Variants in TTYH1 observed in about 807,000 individuals in gnomAD.
The protein encoded by TTYH1 is protein tweety homolog 1.
Under a neutral mutation model 61.2 loss-of-function variants are expected in TTYH1, and 33 were observed. That is an observed-to-expected ratio of 0.54 (90% CI 0.41 to 0.72). The LOEUF is 0.72. TTYH1 is among the 30% of genes least tolerant of loss of function. The pLI is 0.00. For synonymous variants in TTYH1, 308 were observed against 266.4 expected (o/e 1.16, Z -1.52); for missense variants, 538 against 575.8 (o/e 0.93, Z 0.67).
Position 54,421,316 on chromosome 19 carries a change from C to T in TTYH1, c.345C>T (p.Thr115=), listed in dbSNP as rs763312803. The T allele has an allele frequency of 6.2e-7, 1 of 1,613,674 alleles. No individual in the cohort carries two copies. The highest frequency in any genetic ancestry group is 1.1e-5 in the South Asian group (1 of 91,084). ...IGIGFYGNSE[T]SDGVSQLSSA... ...TCGGTTTCTATGGCAACAGTGAGAC[C>T]AGTGATGGGGTGTCCCAGCTCAGCT... Residue 115 remains threonine, a synonymous_variant, in exon 3 of 14, where the codon ACC becomes ACT. Transcript: ENST00000376530. The surrounding 1 kb of genome is among the most constrained non-coding windows in gnomAD (Gnocchi z 4.8).
At position 54,421,929 on chromosome 19, in the gene TTYH1, C is replaced by T. The variant is rs1422688592; in HGVS notation, c.418-261C>T. Among the ~76,000 whole-genome samples the T allele has an allele frequency of 6.6e-6, 1 of 152,160 alleles. No individual in the cohort carries two copies. The highest frequency in any genetic ancestry group is 2.4e-5 in the African/African-American group (1 of 41,424). On this transcript the variant is annotated intron_variant, in intron 3 of 13. Coordinates refer to ENST00000376530, the MANE Select transcript of TTYH1 (RefSeq NM_020659.4). The surrounding 1 kb of genome is among the most constrained non-coding windows in gnomAD (Gnocchi z 4.8). The stretch of plus-strand genomic sequence containing the variant: ...TCAGACCTAAAGCTCCACACTTAAT[C>T]TCAGTCCTGGGGCTGGACTTACTAC...
Position 54,436,394 on chromosome 19 carries a change from A to G in TTYH1, c.*104A>G. The G allele has an allele frequency of 6.2e-7, 1 of 1,613,364 alleles. No homozygotes were observed. The highest frequency in any genetic ancestry group is 2.2e-5 in the East Asian group (1 of 44,848). ...CAGCCTGCCTGGGCTCTGACCACTA[A>G]CACTCTTGGCCATGGACAGCCTGCA... On this transcript the variant is annotated 3_prime_UTR_variant, in exon 14 of 14. Coordinates refer to ENST00000376530, the MANE Select transcript of TTYH1 (RefSeq NM_020659.4). The surrounding 1 kb of genome is among the most constrained non-coding windows in gnomAD (Gnocchi z 4.3).
In TTYH1 at chr19:54,436,386, G is replaced by T. The variant is rs1384083999; in HGVS notation, c.*96G>T. 6.2e-7 allele frequency: 1 copy of T among 1,614,028 alleles called. No homozygotes were observed. The highest frequency in any genetic ancestry group is 1.1e-5 in the South Asian group (1 of 91,086). On this transcript the variant is annotated 3_prime_UTR_variant, in exon 14 of 14. Transcript: ENST00000376530. The surrounding 1 kb of genome is among the most constrained non-coding windows in gnomAD (Gnocchi z 4.3). ...CACTAACCCAGCCTGCCTGGGCTCT[G>T]ACCACTAACACTCTTGGCCATGGAC...
Position 54,429,503 on chromosome 19 carries a change from G to A in TTYH1, c.807+124G>A. The A allele has an allele frequency of 2.3e-6, 2 of 888,678 alleles. No homozygotes were observed. The highest frequency in any genetic ancestry group is 2.9e-5 in the South Asian group (2 of 69,118). The allele number at this position is 888,678 out of a possible 1,614,324, so 55.0% of individuals were successfully genotyped here. ...TTGGGGGGCACGATCACAGCTCTGAGGTTTAGGGCTTGTTTCCTGGGGCCT... is the reference window on the plus strand; with the variant it reads ...TTGGGGGGCACGATCACAGCTCTGAAGTTTAGGGCTTGTTTCCTGGGGCCT... On this transcript the variant is annotated intron_variant, in intron 6 of 13. Coordinates refer to ENST00000376530, the MANE Select transcript of TTYH1 (RefSeq NM_020659.4). This position sits in a 1 kb window ranked among gnomAD's most constrained non-coding sequence, Gnocchi z 5.1.
Position 54,420,393 on chromosome 19 carries a change from G to A in TTYH1, c.306-884G>A, listed in dbSNP as rs917530048. Reference sequence around the variant, plus strand: ...CCAGTGGGGGAGAGACACGGCCCCAGCCCCCGCAGCCTGGGAACAAGAGGA... The same window carrying A: ...CCAGTGGGGGAGAGACACGGCCCCAACCCCCGCAGCCTGGGAACAAGAGGA... On this transcript the variant is annotated intron_variant, in intron 2 of 13. Transcript: ENST00000376530. The surrounding 1 kb of genome is among the most constrained non-coding windows in gnomAD (Gnocchi z 4.8). Among the ~76,000 whole-genome samples, 13 of 152,278 alleles carry A rather than the reference G, an allele frequency of 8.5e-5. No homozygotes were observed. The highest frequency in any genetic ancestry group is 2.6e-4 in the African/African-American group (11 of 41,568).
chr19:54,416,832 C>A lies in TTYH1; in HGVS notation c.126+1154C>A. The A allele has an allele frequency of 7.7e-7, 1 of 1,293,610 alleles. No individual in the cohort carries two copies. Among genetic ancestry groups the A allele is most frequent in the Non-Finnish European group, 1.0e-6 (1 of 988,712 alleles). The allele number at this position is 1,293,610 out of a possible 1,614,324, so 80.1% of individuals were successfully genotyped here. A position where few individuals can be genotyped will look rare whatever the true frequency, so the allele number is the denominator to read the frequency against. ...GCCACCTCCAACAACGCCGCTCCAC[C>A]GGCTCCGGCCTCGGCCCAGACTCAC... On this transcript the variant is annotated intron_variant, in intron 1 of 13. Transcript: ENST00000376530. The surrounding 1 kb of genome is among the most constrained non-coding windows in gnomAD (Gnocchi z 7.0).
Position 54,429,299 on chromosome 19 carries a change from C to G in TTYH1, c.735-8C>G, listed in dbSNP as rs376196081. ...AACCCCGGGCTGATCCTCCCTCCCC[C>G]ACTCTAGGATGACAGTCATGAGTCT... On this transcript the variant is annotated splice_polypyrimidine_tract_variant and splice_region_variant and intron_variant, in intron 5 of 13. Coordinates refer to ENST00000376530, the MANE Select transcript of TTYH1 (RefSeq NM_020659.4). The surrounding 1 kb of genome is among the most constrained non-coding windows in gnomAD (Gnocchi z 5.1). The G allele has an allele frequency of 6.8e-6, 11 of 1,613,926 alleles. No homozygotes were observed. Among genetic ancestry groups the G allele is most frequent in the Non-Finnish European group, 5.9e-6 (7 of 1,179,830 alleles).
At chr19:54,431,019 G>A (rs942591729) in intron 9 of TTYH1, 80 bp from the exon 10 acceptor site, 2 of 1,481,382 alleles carry the variant, frequency 1.4e-6, no homozygotes, top group African/African-American at 3.1e-5. Context: ...CTTGGGTTGT[G>A]GGCGGGGACG....
intron 5 of TTYH1, 47 bp downstream of exon 5, chr19:54,426,815 T>C: frequency 4.5e-6 from 7 of 1,540,204 alleles, no homozygotes; most frequent in Non-Finnish European, 6.3e-6. Flanking sequence ...GGCACTCTCC[T>C]GGCAGGCAGG....
rs1338304183 is a variant in TTYH1 at position 54,416,813 on chromosome 19, TC to T, written c.126+1137del. The stretch of plus-strand genomic sequence containing the variant: ...GCCTCGCGGTTACACAACGGCCACC[TC>T]CAACAACGCCGCTCCACCGGCTCCG... On this transcript the variant is annotated intron_variant, in intron 1 of 13. Transcript: ENST00000376530. This position sits in a 1 kb window ranked among gnomAD's most constrained non-coding sequence, Gnocchi z 7.0. 3 of 1,293,746 alleles carry T rather than the reference TC, an allele frequency of 2.3e-6. No individual in the cohort carries two copies. In the East Asian group the frequency reaches 1.7e-4, roughly 72 times the overall value. 80.1% of individuals were successfully genotyped at this position (1,293,746 alleles called of 1,614,324 possible).
rs2083086208 is a variant in TTYH1 at position 54,416,754 on chromosome 19, C to T, written c.126+1076C>T. ...CGCCTGCTCCTCGCCGCCCCCTCTCCCCACACACGGGGACCGCCGTCCCCT... is the reference window on the plus strand; with the variant it reads ...CGCCTGCTCCTCGCCGCCCCCTCTCTCCACACACGGGGACCGCCGTCCCCT... On this transcript the variant is annotated intron_variant, in intron 1 of 13. Coordinates refer to ENST00000376530, the MANE Select transcript of TTYH1 (RefSeq NM_020659.4). The surrounding 1 kb of genome is among the most constrained non-coding windows in gnomAD (Gnocchi z 7.0). The T allele has an allele frequency of 7.7e-7, 1 of 1,292,136 alleles. No homozygotes were observed. The highest frequency in any genetic ancestry group is 1.0e-6 in the Non-Finnish European group (1 of 988,516). The allele number at this position is 1,292,136 out of a possible 1,614,324, so 80.0% of individuals were successfully genotyped here.
chr19:54,423,521 G>A (rs2083261642), intron 4 of TTYH1, among the ~76,000 whole-genome samples: 1 of 152,170 alleles, frequency 6.6e-6, no homozygotes, highest in East Asian at 1.9e-4. Context: ...CTACAGATCA[G>A]GAACCTGAGC....
chr19:54,435,958 G>C (rs184196614), intron 12 of TTYH1, 85 bp downstream of exon 12: 6 of 1,584,894 alleles, frequency 3.8e-6, no homozygotes, highest in Non-Finnish European at 5.2e-6. Flanking sequence ...GGGCCTGGCC[G>C]CCTGGGTCTG....
intron 5 of TTYH1, 69 bp downstream of exon 5, chr19:54,426,837 A>G: frequency 7.2e-7 from 1 of 1,395,622 alleles, no homozygotes. Flanking sequence ...CCTCAGTCTT[A>G]CAACTCTCCT....
rs925614685 is a variant in TTYH1 at position 54,426,912 on chromosome 19, G to A, written c.734+144G>A. The A allele has an allele frequency of 2.0e-5, 14 of 684,668 alleles. No homozygotes were observed. In the Admixed American group the frequency reaches 3.7e-4, roughly 18 times the overall value. The allele number at this position is 684,668 out of a possible 1,614,324, so 42.4% of individuals were successfully genotyped here. A position where few individuals can be genotyped will look rare whatever the true frequency, so the allele number is the denominator to read the frequency against. Reference sequence around the variant, plus strand: ...AAGAAAAGAGAGTCAGAGCAGCCCAGGAGGGAGGCGGGGACAGACCTGAAA... The same window carrying A: ...AAGAAAAGAGAGTCAGAGCAGCCCAAGAGGGAGGCGGGGACAGACCTGAAA... On this transcript the variant is annotated intron_variant, in intron 5 of 13. Coordinates refer to ENST00000376530, the MANE Select transcript of TTYH1 (RefSeq NM_020659.4).
chr19:54,429,189 C>T lies in TTYH1; in HGVS notation c.735-118C>T. The T allele has an allele frequency of 1.1e-6, 1 of 898,380 alleles. No homozygotes were observed. The highest frequency in any genetic ancestry group is 1.8e-6 in the Non-Finnish European group (1 of 555,868). The allele number at this position is 898,380 out of a possible 1,614,324, so 55.7% of individuals were successfully genotyped here. On this transcript the variant is annotated intron_variant, in intron 5 of 13. Transcript: ENST00000376530. The surrounding 1 kb of genome is among the most constrained non-coding windows in gnomAD (Gnocchi z 5.1). ...GAACTTGTGTTTCCCTAATTCTGATCCTCCAGGCTCCAGAGGTGGGTGGAG... is the reference window on the plus strand; with the variant it reads ...GAACTTGTGTTTCCCTAATTCTGATTCTCCAGGCTCCAGAGGTGGGTGGAG...
rs562835149 is a variant in TTYH1, at chr19:54,421,728, G to C, written c.417+340G>C. ...CCCGTAAGCAAGCTCAGGGACCCCCGCCCTGAGGCCCAGGTCCCCGACTTG... is the reference window on the plus strand; with the variant it reads ...CCCGTAAGCAAGCTCAGGGACCCCCCCCCTGAGGCCCAGGTCCCCGACTTG... On this transcript the variant is annotated intron_variant, in intron 3 of 13. Transcript: ENST00000376530. This position sits in a 1 kb window ranked among gnomAD's most constrained non-coding sequence, Gnocchi z 4.8. 9.9e-5 allele frequency among the ~76,000 whole-genome samples: 15 copies of C among 151,856 alleles called. No individual in the cohort carries two copies. Among genetic ancestry groups the C allele is most frequent in the Non-Finnish European group, 1.9e-4 (13 of 67,946 alleles).
chr19:54,428,607 A>G (rs1010218296), intron 5 of TTYH1, among the ~76,000 whole-genome samples: 1 of 152,176 alleles, frequency 6.6e-6, no homozygotes, highest in Non-Finnish European at 1.5e-5. Flanking sequence ...TAGAAGTGCT[A>G]GAGCTGGGAT....
chr19:54,423,360 G>T (rs112663517), intron 4 of TTYH1, among the ~76,000 whole-genome samples: 23,547 of 151,954 alleles, frequency 0.15, 2,076 homozygotes, highest in Middle Eastern at 0.29. Flanking sequence ...ACCACGCCCG[G>T]CTAATTTTTG....
Sources: gnomAD v4.1 joint callset for allele counts (sites outside exome capture counted in the v4.1 genomes callset) on GRCh38, gnomAD v4.1.1 for gene constraint, Gnocchi (gnomAD v3.1) non-coding constraint, MANE v1.5 for transcripts, NCBI Gene and HGNC (gene_info 2026-07-23, HGNC 2026-07-21) for gene names.